Variants in OTUD7A observed in about 807,000 individuals in gnomAD.
OTUD7A encodes OTU deubiquitinase 7A, also known as OTU domain-containing protein 7A.
In OTUD7A, 12 loss-of-function variants were observed where a neutral mutation model predicts 65.7. The ratio of observed to expected loss-of-function variants is 0.18; its 90% CI spans 0.12 to 0.30. The LOEUF is 0.30. Ranked by LOEUF, OTUD7A falls within the 10% of genes least tolerant of loss-of-function variation. The pLI is 1.00. For synonymous variants in OTUD7A, 641 were observed against 586.3 expected, an observed-to-expected ratio of 1.09 and a Z score of -1.35; for missense variants, 1,148 against 1,304.8, an observed-to-expected ratio of 0.88 and a Z score of 1.85.
intron 1 of OTUD7A, among the ~76,000 whole-genome samples, chr15:31,795,879 T>C (rs1036255725): frequency 1.3e-5 from 2 of 152,120 alleles, no homozygotes; most frequent in Non-Finnish European, 2.9e-5. Context: ...CACAGGAATG[T>C]AGTCACACAC....
chr15:31,510,883 ATATGTATAT>A lies in OTUD7A; in HGVS notation c.894-7074_894-7066del, dbSNP rs2041689291. On this transcript the variant is annotated intron_variant, in intron 8 of 12. Coordinates refer to ENST00000307050, the MANE Select transcript of OTUD7A (RefSeq NM_001382637.1). ...ATATATGTATATCTATATGTAACAT[ATATGTATAT>A]CTATATGTAACATATATGTATATCT... Among the ~76,000 whole-genome samples, 7 of 20,290 alleles carry A rather than the reference ATATGTATAT, an allele frequency of 3.4e-4. 2 individuals are homozygous for A. The highest frequency in any genetic ancestry group is 1.5e-3 in the South Asian group (2 of 1,328). The allele number at this position is 20,290 out of a possible 152,430, so 13.3% of individuals were successfully genotyped here.
At chr15:31,820,709 G>C (rs1896657401) in intron 1 of OTUD7A, among the ~76,000 whole-genome samples, 1 of 152,166 alleles carries the variant, frequency 6.6e-6, no homozygotes, top group Non-Finnish European at 1.5e-5. Flanking sequence ...CTAGACCAGA[G>C]TACTTCTCCA....
At chr15:31,608,476 A>G (rs1444099874) in intron 3 of OTUD7A, among the ~76,000 whole-genome samples, 1 of 152,184 alleles carries the variant, frequency 6.6e-6, no homozygotes, top group Non-Finnish European at 1.5e-5. Context: ...TGGGAGGTGG[A>G]GGTGTGGAAT....
intron 8 of OTUD7A, among the ~76,000 whole-genome samples, chr15:31,523,594 G>A (rs970185003): frequency 9.9e-5 from 15 of 152,170 alleles, no homozygotes; most frequent in African/African-American, 2.9e-4. Context: ...CCTGGACCTC[G>A]GGCAGCTCGC....
chr15:31,683,842 G>T (rs1276110130), intron 1 of OTUD7A, among the ~76,000 whole-genome samples: 1 of 152,058 alleles, frequency 6.6e-6, no homozygotes, highest in Non-Finnish European at 1.5e-5. Context: ...TTAAAAGGTT[G>T]GTTCTGAATT....
Position 31,629,975 on chromosome 15 carries a change from TTCTC to T in OTUD7A, c.151+25117_151+25120del, listed in dbSNP as rs1214794974. On this transcript the variant is annotated intron_variant, in intron 3 of 12. Coordinates refer to ENST00000307050, the MANE Select transcript of OTUD7A (RefSeq NM_001382637.1). Reference sequence around the variant, plus strand: ...ATTTTTTATTGTGTCTATTTGATTCTTCTCTCTTTCTTCTTTATTAGTCTTGCTA... The same window carrying T: ...ATTTTTTATTGTGTCTATTTGATTCTTCTTTCTTCTTTATTAGTCTTGCTA... Among the ~76,000 whole-genome samples the T allele has an allele frequency of 1.1e-4, 16 of 152,074 alleles. No homozygotes were observed. The East Asian group carries it at 1.2e-3, about 11-fold the overall frequency.
chr15:31,512,556 C>T (rs1021796559), intron 8 of OTUD7A, among the ~76,000 whole-genome samples: 4 of 152,166 alleles, frequency 2.6e-5, no homozygotes, highest in African/African-American at 9.7e-5. Flanking sequence ...TATAACCTGA[C>T]GTGTCCACCT....
intron 1 of OTUD7A, among the ~76,000 whole-genome samples, chr15:31,850,440 T>C (rs1203839318): frequency 6.6e-6 from 1 of 151,770 alleles, no homozygotes; most frequent in Non-Finnish European, 1.5e-5. Flanking sequence ...GGGATAGCAT[T>C]AGGAGAAATA....
chr15:31,560,485 C>T (rs143735107), intron 4 of OTUD7A, among the ~76,000 whole-genome samples: 116 of 152,308 alleles, frequency 7.6e-4, no homozygotes, highest in African/African-American at 2.6e-3. Flanking sequence ...TGCAAAAGCA[C>T]GCTTGTTTTT....
At chr15:31,800,499 G>C (rs1350905486) in intron 1 of OTUD7A, among the ~76,000 whole-genome samples, 1 of 152,166 alleles carries the variant, frequency 6.6e-6, no homozygotes, top group Non-Finnish European at 1.5e-5. Context: ...AGGATGCTGT[G>C]GGGCCATCAG....
chr15:31,486,764 T>C (rs963019825), intron 12 of OTUD7A, among the ~76,000 whole-genome samples: 5 of 152,162 alleles, frequency 3.3e-5, no homozygotes, highest in African/African-American at 1.2e-4. Context: ...ACCCACACGG[T>C]TTGTAATTAA....
At chr15:31,814,770 C>G (rs1041025475) in intron 1 of OTUD7A, among the ~76,000 whole-genome samples, 1 of 152,104 alleles carries the variant, frequency 6.6e-6, no homozygotes, top group Non-Finnish European at 1.5e-5. Context: ...GTGATATATC[C>G]GCCTAAGCCT....
At chr15:31,723,548 A>AT (rs1211259032) in intron 1 of OTUD7A, among the ~76,000 whole-genome samples, 2 of 144,032 alleles carry the variant, frequency 1.4e-5, no homozygotes, top group East Asian at 4.1e-4. Context: ...AATTAAGATC[A>AT]TATGATATGT....
intron 3 of OTUD7A, among the ~76,000 whole-genome samples, chr15:31,632,891 G>GGGAGACTCCGTGGGCGTA (rs1555403481): frequency 2.6e-5 from 4 of 152,222 alleles, no homozygotes; most frequent in African/African-American, 9.6e-5. Context: ...CTAGCAATCA[G>GGGAGACTCCGTGGGCGTA]GGAGACTCCG....
intron 3 of OTUD7A, among the ~76,000 whole-genome samples, chr15:31,621,062 T>C (rs775896544): frequency 6.7e-6 from 1 of 150,178 alleles, no homozygotes; most frequent in Non-Finnish European, 1.5e-5. Context: ...TCAGTTTCCA[T>C]GTAGTTGAGC....
rs1895096804 is a variant in OTUD7A at position 31,766,445 on chromosome 15, A to T, written c.-100+104062T>A. On this transcript the variant is annotated intron_variant, in intron 1 of 12. Transcript: ENST00000307050. The stretch of plus-strand genomic sequence containing the variant: ...TTTGTGTGCCAGTCAACACAGAAGA[A>T]GCTGGAAGTAAAGAGTCTTCTGAAA... 5.7e-6 allele frequency: 9 copies of T among 1,581,340 alleles called. No homozygotes were observed. In the Admixed American group the frequency reaches 1.5e-4, roughly 27 times the overall value.
intron 1 of OTUD7A, among the ~76,000 whole-genome samples, chr15:31,823,535 T>C (rs910992565): frequency 5.3e-5 from 8 of 152,228 alleles, no homozygotes; most frequent in Non-Finnish European, 1.5e-5. Context: ...GTTACATAAA[T>C]ATCCTTACAG....
At chr15:31,694,758 C>T (rs1329757402) in intron 1 of OTUD7A, among the ~76,000 whole-genome samples, 1 of 152,144 alleles carries the variant, frequency 6.6e-6, no homozygotes, top group Non-Finnish European at 1.5e-5. Flanking sequence ...AACATGATGC[C>T]CTCCAGGTTC....
intron 1 of OTUD7A, among the ~76,000 whole-genome samples, chr15:31,732,880 C>T (rs573242814): frequency 1.3e-5 from 2 of 152,306 alleles, no homozygotes; most frequent in African/African-American, 4.8e-5. Flanking sequence ...TTGTGCATTC[C>T]TTTGGATATC....
Sources: gnomAD v4.1 joint callset for allele counts (sites outside exome capture counted in the v4.1 genomes callset) on GRCh38, gnomAD v4.1.1 for gene constraint, MANE v1.5 for transcripts, NCBI Gene and HGNC (gene_info 2026-07-23, HGNC 2026-07-21) for gene names.